PDE7A: variants seen among roughly 807,000 people sequenced by gnomAD.
The protein encoded by PDE7A is phosphodiesterase 7A, also known as high affinity 3',5'-cyclic-AMP phosphodiesterase 7A.
PDE7A carries 39 observed loss-of-function variants against 64.3 expected under a neutral mutation model. The ratio of observed to expected loss-of-function variants is 0.61; its 90% CI spans 0.47 to 0.79. The LOEUF (loss-of-function observed/expected upper bound fraction) is 0.79. Ranked by LOEUF, PDE7A falls within the 30% of genes least tolerant of loss-of-function variation. PDE7A has a pLI of 0.00. For missense variants in PDE7A, 470 were observed against 582.8 expected, an observed-to-expected ratio of 0.81 and a Z score of 1.99; for synonymous variants, 203 against 206.8, an observed-to-expected ratio of 0.98 and a Z score of 0.16.
At chr8:65,768,288 T>C (rs533422510) in intron 3 of PDE7A, among the ~76,000 whole-genome samples, 1 of 152,222 alleles carries the variant, frequency 6.6e-6, no homozygotes, top group Non-Finnish European at 1.5e-5. Flanking sequence ...CTGATATGGT[T>C]TGGCTGTGCC....
chr8:65,754,585 C>T (rs1808129071), intron 3 of PDE7A, among the ~76,000 whole-genome samples: 2 of 151,494 alleles, frequency 1.3e-5, no homozygotes, highest in Admixed American at 1.3e-4. Flanking sequence ...ATCCGCCCGC[C>T]TCGGCCTCCC....
rs1295965698 is a variant in PDE7A at position 65,730,171 on chromosome 8, C to CTTCTTTTTTTTTTTTTTTTTT, written c.697-2871_697-2870insAAAAAAAAAAAAAAAAAAGAA. Among the ~76,000 whole-genome samples the CTTCTTTTTTTTTTTTTTTTTT allele has an allele frequency of 1.9e-4, 16 of 86,448 alleles. 2 individuals are homozygous for CTTCTTTTTTTTTTTTTTTTTT. The highest frequency in any genetic ancestry group is 6.7e-4 in the African/African-American group (14 of 20,938). 56.7% of individuals were successfully genotyped at this position (86,448 alleles called of 152,430 possible). A position where few individuals can be genotyped will look rare whatever the true frequency, so the allele number is the denominator to read the frequency against. ...TGTGAGGGATCCAGGTTGCGCACTT[C>CTTCTTTTTTTTTTTTTTTTTT]TTTTTTTTTTTTTTTTTTTTTTTTT... is the stretch of plus-strand genomic sequence containing the variant. On this transcript the variant is annotated intron_variant, in intron 7 of 12. Coordinates refer to ENST00000401827, the MANE Select transcript of PDE7A (RefSeq NM_001242318.3).
At chr8:65,797,581 CTT>C (rs1809874097) in intron 1 of PDE7A, among the ~76,000 whole-genome samples, 1 of 152,178 alleles carries the variant, frequency 6.6e-6, no homozygotes, top group South Asian at 2.1e-4. Flanking sequence ...GGTTTTGATA[CTT>C]TGTTTTAACA....
Position 65,734,872 on chromosome 8 carries a change from G to C in PDE7A, c.618C>G (p.His206Gln), listed in dbSNP as rs1444141492. 6.2e-7 allele frequency: 1 copy of C among 1,609,792 alleles called. No homozygotes were observed. The highest frequency in any genetic ancestry group is 8.5e-7 in the Non-Finnish European group (1 of 1,176,276). ...CTGCGTTATGGTAAGGATTTTGACT[G>C]TGGTAATCTTCTTGAATCATAACTG... ...RFLVMIQEDY[H>Q]SQNPYHNAVH... The change falls in exon 7 of 13, where the codon CAC becomes CAG. Residue 206 changes from histidine (H) to glutamine (Q), a missense_variant. Physicochemically the swap from His to Gln is conservative, Grantham distance 24 (BLOSUM62 0). Transcript: ENST00000401827.
chr8:65,806,914 G>A (rs1020445330), intron 1 of PDE7A, among the ~76,000 whole-genome samples: 4 of 152,174 alleles, frequency 2.6e-5, no homozygotes, highest in Non-Finnish European at 5.9e-5. Flanking sequence ...CTAAGCTTAT[G>A]CCAGCACCCC....
intron 1 of PDE7A, among the ~76,000 whole-genome samples, chr8:65,789,401 G>GTGAAATATTTAAAAAA (rs1809642073): frequency 6.6e-6 from 1 of 152,150 alleles, no homozygotes; most frequent in Non-Finnish European, 1.5e-5. Flanking sequence ...ACAGTGTCCT[G>GTGAAATATTTAAAAAA]TGACATTTTA....
At chr8:65,726,776 AAC>A in intron 9 of PDE7A, 97 bp downstream of exon 9, 1 of 637,608 alleles carries the variant, frequency 1.6e-6, no homozygotes, top group Admixed American at 2.6e-5. Flanking sequence ...AAAACTGTGG[AAC>A]ACCTGAACAT....
At chr8:65,759,018 T>A (rs1239596752) in intron 3 of PDE7A, among the ~76,000 whole-genome samples, 1 of 152,122 alleles carries the variant, frequency 6.6e-6, no homozygotes, top group African/African-American at 2.4e-5. Flanking sequence ...AAAAGGAACA[T>A]GTCTTGACTC....
chr8:65,752,421 G>A (rs1485747474), intron 3 of PDE7A, among the ~76,000 whole-genome samples: 1 of 151,920 alleles, frequency 6.6e-6, no homozygotes, highest in Non-Finnish European at 1.5e-5. Flanking sequence ...TTTTTTTTCA[G>A]TAGTCTTTTG....
At chr8:65,782,608 CCT>C (rs1284261909) in intron 2 of PDE7A, among the ~76,000 whole-genome samples, 173 bp downstream of exon 2, 3 of 152,134 alleles carry the variant, frequency 2.0e-5, no homozygotes, top group Non-Finnish European at 4.4e-5. Flanking sequence ...CTCTAAAATG[CCT>C]CTCTTTATTC....
intron 1 of PDE7A, among the ~76,000 whole-genome samples, chr8:65,815,987 G>A (rs1299477964): frequency 6.6e-6 from 1 of 152,170 alleles, no homozygotes; most frequent in Non-Finnish European, 1.5e-5. Context: ...TATTAAGGTA[G>A]ACGTTAATGA....
At chr8:65,753,054 A>C (rs1364703653) in intron 3 of PDE7A, among the ~76,000 whole-genome samples, 1 of 152,084 alleles carries the variant, frequency 6.6e-6, no homozygotes, top group Non-Finnish European at 1.5e-5. Context: ...CTTTATGGTA[A>C]AGCTATTGTT....
At chr8:65,775,681 G>A (rs566981117) in intron 3 of PDE7A, among the ~76,000 whole-genome samples, 23 of 152,374 alleles carry the variant, frequency 1.5e-4, no homozygotes, top group Admixed American at 7.8e-4. Context: ...AGGCTTGAGT[G>A]AAGTGGTGTG....
At chr8:65,813,624 T>G (rs1215469020) in intron 1 of PDE7A, among the ~76,000 whole-genome samples, 1 of 152,238 alleles carries the variant, frequency 6.6e-6, no homozygotes, top group Non-Finnish European at 1.5e-5. Context: ...AACTGCAAAA[T>G]TCTTAGACTA....
At chr8:65,815,139 C>A (rs547407507) in intron 1 of PDE7A, among the ~76,000 whole-genome samples, 1 of 151,394 alleles carries the variant, frequency 6.6e-6, no homozygotes, top group East Asian at 1.9e-4. Context: ...ATAATGTTGA[C>A]AATATTTATA....
chr8:65,748,151 A>G lies in PDE7A; in HGVS notation c.284-348T>C, dbSNP rs571683829. 8.5e-5 allele frequency among the ~76,000 whole-genome samples: 13 copies of G among 152,114 alleles called. No individual in the cohort carries two copies. The South Asian group carries it at 2.7e-3, about 32-fold the overall frequency. On this transcript the variant is annotated intron_variant, in intron 3 of 12. Transcript: ENST00000401827. ...ACCTCTTACTCTTTTGCTTCAATATACCACATAAACATGGAGCAGAAACAT... is the reference window on the plus strand; with the variant it reads ...ACCTCTTACTCTTTTGCTTCAATATGCCACATAAACATGGAGCAGAAACAT...
rs1057474147 is a variant in PDE7A at position 65,724,360 on chromosome 8, C to G, written c.1066-9G>C. On this transcript the variant is annotated splice_polypyrimidine_tract_variant and intron_variant, in intron 10 of 12. Coordinates refer to ENST00000401827, the MANE Select transcript of PDE7A (RefSeq NM_001242318.3). ...GCACATTTCAAAGCCATCTAGCAAA[C>G]AAAACATTAATATTGTTTTAAGATA... The G allele has an allele frequency of 6.3e-7, 1 of 1,593,194 alleles. No individual in the cohort carries two copies. The highest frequency in any genetic ancestry group is 8.6e-7 in the Non-Finnish European group (1 of 1,162,010).
Position 65,741,694 on chromosome 8 carries a change from T to G in PDE7A, c.500-2097A>C, listed in dbSNP as rs1807444180. ...TGGTGTGGAGCCATTTCTGAAGAAG[T>G]GAACAACGTGTCTGTTGCTATTGCT... On this transcript the variant is annotated intron_variant, in intron 5 of 12. Transcript: ENST00000401827. Among the ~76,000 whole-genome samples the G allele has an allele frequency of 2.6e-5, 4 of 152,234 alleles. No individual in the cohort carries two copies. The South Asian group carries it at 8.3e-4, about 31-fold the overall frequency.
intron 1 of PDE7A, among the ~76,000 whole-genome samples, chr8:65,834,285 T>C (rs749383811): frequency 2.0e-5 from 3 of 152,228 alleles, no homozygotes; most frequent in Non-Finnish European, 4.4e-5. Flanking sequence ...ACTTCTGATA[T>C]TCTTAATAAC....
Sources: allele counts gnomAD v4.1 joint callset (sites outside exome capture counted in the v4.1 genomes callset), GRCh38; gene constraint gnomAD v4.1.1; transcripts MANE v1.5; gene names NCBI Gene and HGNC (gene_info 2026-07-23, HGNC 2026-07-21).